SCFD2: variants seen among roughly 807,000 people sequenced by gnomAD.
SCFD2 encodes the protein sec1 family domain containing 2.
Under a neutral mutation model 58.9 loss-of-function variants are expected in SCFD2, and 54 were observed. The ratio of observed to expected loss-of-function variants is 0.92; its 90% CI spans 0.74 to 1.15. The LOEUF is 1.15. Among genes scored for constraint, SCFD2 ranks in the 50% most tolerant of loss-of-function variants. The pLI is 0.00. For synonymous variants in SCFD2, 321 were observed against 335.9 expected (o/e 0.96, Z 0.49); for missense variants, 805 against 836.6 (o/e 0.96, Z 0.47).
At chr4:53,313,869 T>C (rs1732775523) in intron 2 of SCFD2, 106 bp from the exon 3 acceptor site, 2 of 968,934 alleles carry the variant, frequency 2.1e-6, no homozygotes, top group Non-Finnish European at 3.1e-6. Context: ...ATTAATGTAG[T>C]CTTTCCTACT....
chr4:53,327,984 A>G (rs1230774701), intron 2 of SCFD2, among the ~76,000 whole-genome samples: 1 of 151,992 alleles, frequency 6.6e-6, no homozygotes, highest in Non-Finnish European at 1.5e-5. Flanking sequence ...CAAAAAAAAG[A>G]AACAGCCAGG....
intron 4 of SCFD2, among the ~76,000 whole-genome samples, chr4:53,228,942 G>A (rs1280936637): frequency 1.3e-5 from 2 of 152,144 alleles, no homozygotes; most frequent in Non-Finnish European, 1.5e-5. Context: ...CAAAATCAAT[G>A]TGCAAAAATC....
intron 5 of SCFD2, among the ~76,000 whole-genome samples, chr4:52,969,525 G>GA (rs1365018724): frequency 1.3e-5 from 2 of 152,186 alleles, no homozygotes; most frequent in Non-Finnish European, 2.9e-5. Context: ...TCAGTCCCTG[G>GA]AAGTTGGCTT....
intron 2 of SCFD2, among the ~76,000 whole-genome samples, chr4:53,344,484 T>C (rs1027924500): frequency 6.6e-6 from 1 of 152,202 alleles, no homozygotes; most frequent in African/African-American, 2.4e-5. Context: ...TCCATGCTCA[T>C]GGAGAGCAAG....
chr4:52,935,399 C>T (rs1720110796), intron 5 of SCFD2, among the ~76,000 whole-genome samples: 1 of 152,202 alleles, frequency 6.6e-6, no homozygotes, highest in African/African-American at 2.4e-5. Context: ...AGCTAATCTA[C>T]CATGTTGGCT....
At position 53,365,306 on chromosome 4, in the gene SCFD2, C is replaced by CA; in HGVS notation, c.635dup (p.Leu213AlafsTer16). 6.2e-7 allele frequency: 1 copy of CA among 1,614,214 alleles called. No homozygotes were observed. The highest frequency in any genetic ancestry group is 8.5e-7 in the Non-Finnish European group (1 of 1,180,040). On this transcript the variant is annotated frameshift_variant, in exon 1 of 9. Transcript: ENST00000401642. LOFTEE classifies it high-confidence loss of function. This position sits in a 1 kb window ranked among gnomAD's most constrained non-coding sequence, Gnocchi z 4.3. Reference sequence around the variant, plus strand: ...ACACTAGGCATCTGATCTGCAGCAGCAGCTCTGGGGTTAGCGTAGTGGAGT... The same window carrying CA: ...ACACTAGGCATCTGATCTGCAGCAGCAAGCTCTGGGGTTAGCGTAGTGGAGT...
chr4:53,151,397 A>G (rs1726500986), intron 4 of SCFD2, among the ~76,000 whole-genome samples: 1 of 152,336 alleles, frequency 6.6e-6, no homozygotes, highest in African/African-American at 2.4e-5. Context: ...TGTTTATCTG[A>G]AGTCTGGGGC....
chr4:52,922,128 C>A (rs1230275631), intron 5 of SCFD2, among the ~76,000 whole-genome samples: 1 of 152,172 alleles, frequency 6.6e-6, no homozygotes, highest in Non-Finnish European at 1.5e-5. Context: ...CACCCACATC[C>A]TTGTCTCAAG....
intron 5 of SCFD2, among the ~76,000 whole-genome samples, chr4:53,134,094 A>G (rs1725868805): frequency 6.6e-6 from 1 of 152,256 alleles, no homozygotes; most frequent in East Asian, 1.9e-4. Context: ...AGACGGGCAC[A>G]TACTGTGTGA....
At chr4:53,217,319 A>T (rs1374545072) in intron 4 of SCFD2, among the ~76,000 whole-genome samples, 2 of 152,108 alleles carry the variant, frequency 1.3e-5, no homozygotes, top group African/African-American at 2.4e-5. Context: ...GCTTTATGAA[A>T]CTGGGTGCCC....
At chr4:53,238,476 T>G (rs1172045735) in intron 4 of SCFD2, among the ~76,000 whole-genome samples, 7 of 142,582 alleles carry the variant, frequency 4.9e-5, no homozygotes, top group Non-Finnish European at 7.7e-5. Flanking sequence ...CCCTCCCGGA[T>G]GGGGCGGCTG....
At chr4:52,972,901 C>T (rs969355468) in intron 5 of SCFD2, among the ~76,000 whole-genome samples, 15 of 152,164 alleles carry the variant, frequency 9.9e-5, no homozygotes, top group African/African-American at 3.6e-4. Flanking sequence ...GCTGAACAAC[C>T]TGCTCCTGAA....
intron 5 of SCFD2, among the ~76,000 whole-genome samples, chr4:53,021,330 T>C (rs1722344565): frequency 6.6e-6 from 1 of 152,200 alleles, no homozygotes; most frequent in Admixed American, 6.5e-5. Flanking sequence ...AACTTCCTAT[T>C]TCTAACATTT....
intron 5 of SCFD2, among the ~76,000 whole-genome samples, chr4:53,097,591 C>T (rs1359461971): frequency 6.6e-5 from 10 of 152,272 alleles, no homozygotes; most frequent in South Asian, 2.1e-4. Context: ...GCTGAAGTTG[C>T]TTATCAGCTG....
intron 5 of SCFD2, among the ~76,000 whole-genome samples, chr4:53,020,671 C>T (rs1476913241): frequency 6.6e-6 from 1 of 152,166 alleles, no homozygotes; most frequent in African/African-American, 2.4e-5. Context: ...CAGTAGCCCA[C>T]GTTTCCCAGC....
intron 4 of SCFD2, among the ~76,000 whole-genome samples, chr4:53,224,355 C>T (rs1729137055): frequency 2.0e-5 from 3 of 149,502 alleles, no homozygotes; most frequent in Non-Finnish European, 3.0e-5. Context: ...CCCCACTGCA[C>T]TCCAGCCTGG....
At chr4:53,362,196 T>C (rs562662702) in intron 1 of SCFD2, among the ~76,000 whole-genome samples, 2 of 152,170 alleles carry the variant, frequency 1.3e-5, no homozygotes, top group Non-Finnish European at 1.5e-5. Context: ...GAGAAAGCCA[T>C]ATGGATACCT....
intron 5 of SCFD2, among the ~76,000 whole-genome samples, chr4:53,012,776 ATTCT>A (rs1722124834): frequency 6.6e-6 from 1 of 150,550 alleles, no homozygotes. Flanking sequence ...TTTTGCTCAG[ATTCT>A]TTCTTTTACC....
At chr4:53,128,630 AAAT>A (rs1173941450) in intron 5 of SCFD2, among the ~76,000 whole-genome samples, 1 of 152,228 alleles carries the variant, frequency 6.6e-6, no homozygotes, top group Non-Finnish European at 1.5e-5. Context: ...AAGTTTAAAA[AAAT>A]AATAAAGATA....
Sources: gnomAD v4.1 joint callset for allele counts (sites outside exome capture counted in the v4.1 genomes callset) on GRCh38, gnomAD v4.1.1 for gene constraint, Gnocchi (gnomAD v3.1) non-coding constraint, MANE v1.5 for transcripts, NCBI Gene and HGNC (gene_info 2026-07-23, HGNC 2026-07-21) for gene names.